Variants in ATAD3C observed in about 807,000 individuals in gnomAD.
ATAD3C encodes the protein ATPase family AAA domain containing 3C.
In ATAD3C, 38 loss-of-function variants were observed where a neutral mutation model predicts 46.3. The observed-to-expected ratio is 0.82, with a 90% CI of 0.63 to 1.08. The LOEUF (loss-of-function observed/expected upper bound fraction) is 1.08. Among genes scored for constraint, ATAD3C ranks in the 50% least tolerant of loss-of-function variants. The probability of loss-of-function intolerance (pLI) is 0.00; values close to 1 mark genes in which losing one functional copy is unlikely to be tolerated. For synonymous variants in ATAD3C, 220 were observed against 236.4 expected, an observed-to-expected ratio of 0.93 and a Z score of 0.63; for missense variants, 563 against 572.7, an observed-to-expected ratio of 0.98 and a Z score of 0.17.
chr1:1,460,177 A>G (rs1639032282), intron 9 of ATAD3C, among the ~76,000 whole-genome samples: 1 of 149,414 alleles, frequency 6.7e-6, no homozygotes, highest in Admixed American at 6.8e-5. Flanking sequence ...GGTTCAAGCG[A>G]TTCTCCTACC....
At chr1:1,458,448 C>CT (rs201787085) in intron 8 of ATAD3C, among the ~76,000 whole-genome samples, 22,476 of 146,778 alleles carry the variant, frequency 0.15, 3,610 homozygotes, top group East Asian at 0.48. Flanking sequence ...CTCATTTTGT[C>CT]TTTTTTTTTT....
intron 1 of ATAD3C, 28 bp downstream of exon 1, chr1:1,450,786 G>A (rs369947488): frequency 1.4e-5 from 23 of 1,611,604 alleles, no homozygotes; most frequent in African/African-American, 1.1e-4. Flanking sequence ...GGGCGGGGAG[G>A]CCGGGGCACA....
chr1:1,466,005 G>C (rs150657932), intron 11 of ATAD3C, among the ~76,000 whole-genome samples: 1 of 152,034 alleles, frequency 6.6e-6, no homozygotes, highest in East Asian at 1.9e-4. Flanking sequence ...TATCATAAAA[G>C]TGTGAGGTGG....
intron 3 of ATAD3C, 84 bp downstream of exon 3, chr1:1,452,518 C>A: frequency 6.2e-7 from 1 of 1,600,018 alleles, no homozygotes; most frequent in Non-Finnish European, 8.6e-7. Context: ...CCTATCCCTG[C>A]TGGCTCTGCA....
At chr1:1,455,770 A>G (rs1638949201) in intron 5 of ATAD3C, 21 bp from the exon 6 acceptor site, 1 of 1,612,750 alleles carries the variant, frequency 6.2e-7, no homozygotes, top group South Asian at 1.1e-5. Context: ...GTGTCCTCCA[A>G]GCCCCTGTCT....
chr1:1,450,680 G>T lies in ATAD3C; in HGVS notation c.-4G>T. 3.7e-6 allele frequency: 6 copies of T among 1,611,832 alleles called. No individual in the cohort carries two copies. Among genetic ancestry groups the T allele is most frequent in the Non-Finnish European group, 4.2e-6 (5 of 1,178,858 alleles). On this transcript the variant is annotated 5_prime_UTR_variant, in exon 1 of 12. In the 5' UTR this introduces an upstream ATG that the reference lacks. Coordinates refer to ENST00000378785, the MANE Select transcript of ATAD3C (RefSeq NM_001039211.3). ...TGCCCTCCGTGTCCCTGCATCTGCA[G>T]GCCATGTCAAAGGACGCCCTGAATC...
At chr1:1,457,007 G>C (rs771415177) in intron 7 of ATAD3C, 122 bp from the exon 8 acceptor site, 1 of 1,375,900 alleles carries the variant, frequency 7.3e-7, no homozygotes, top group Non-Finnish European at 1.0e-6. Context: ...TTAGGGCTCC[G>C]TGGGGCAGAG....
Position 1,468,662 on chromosome 1 carries a change from C to T in ATAD3C, c.*132C>T. ...GGGGCCGCACCGCTGTGTCTATTGGCTGACACGGGGCGGGGTTTGGGGCCC... is the reference window on the plus strand; with the variant it reads ...GGGGCCGCACCGCTGTGTCTATTGGTTGACACGGGGCGGGGTTTGGGGCCC... On this transcript the variant is annotated 3_prime_UTR_variant, in exon 12 of 12. Transcript: ENST00000378785. 2 of 1,543,716 alleles carry T rather than the reference C, an allele frequency of 1.3e-6. No individual in the cohort carries two copies. Among genetic ancestry groups the T allele is most frequent in the Non-Finnish European group, 1.8e-6 (2 of 1,137,100 alleles).
chr1:1,454,043 C>A (rs1638907817), intron 3 of ATAD3C, among the ~76,000 whole-genome samples: 1 of 152,036 alleles, frequency 6.6e-6, no homozygotes, highest in African/African-American at 2.4e-5. Flanking sequence ...AGGGTGTGGC[C>A]CTGTGACATA....
chr1:1,467,076 G>A (rs1388103789), intron 11 of ATAD3C, among the ~76,000 whole-genome samples: 5 of 152,006 alleles, frequency 3.3e-5, no homozygotes, highest in African/African-American at 1.2e-4. Flanking sequence ...ACCTTGCCAC[G>A]TGGTGAACAT....
intron 1 of ATAD3C, among the ~76,000 whole-genome samples, chr1:1,451,642 G>A (rs187424347): frequency 8.9e-4 from 136 of 152,212 alleles, no homozygotes; most frequent in African/African-American, 3.1e-3. Context: ...CACGGTGCCC[G>A]GCCGGTCACC....
chr1:1,454,230 C>T (rs545045728), intron 3 of ATAD3C, 115 bp from the exon 4 acceptor site: 31 of 1,439,066 alleles, frequency 2.2e-5, no homozygotes, highest in African/African-American at 1.6e-4. Context: ...GGCCAGCACA[C>T]GGCCCTGTGC....
Position 1,452,372 on chromosome 1 carries a change from G to A in ATAD3C, c.160G>A (p.Gly54Ser). 6.2e-7 allele frequency: 1 copy of A among 1,613,806 alleles called. No individual in the cohort carries two copies. Among genetic ancestry groups the A allele is most frequent in the Non-Finnish European group, 8.5e-7 (1 of 1,179,764 alleles). The change falls in exon 3 of 12, where the codon GGC becomes AGC. Residue 54 changes from glycine to serine, a missense_variant. Physicochemically the swap from Gly to Ser is moderately conservative, Grantham distance 56. Around this residue, in one of 3 missense-constraint regions of ATAD3C, gnomAD observed 263 missense variants for 243.1 expected, o/e 1.08. Transcript: ENST00000378785. ...QTFLESIRAA[G>S]TLFGEGFRAF... ...CCACTGCTTTCCCCACAGGGCGGCT[G>A]GCACCTTGTTTGGGGAAGGATTCCG...
In ATAD3C at chr1:1,450,606, C is replaced by T. The variant is rs1020176985; in HGVS notation, c.-78C>T. ...CGTGGCCGTGGATTCCAGAAAGCCCCTTGGCTGGTGTGCGTGCCTGCCCAG... is the reference window on the plus strand; with the variant it reads ...CGTGGCCGTGGATTCCAGAAAGCCCTTTGGCTGGTGTGCGTGCCTGCCCAG... On this transcript the variant is annotated 5_prime_UTR_variant, in exon 1 of 12. Transcript: ENST00000378785. The T allele has an allele frequency of 2.6e-6, 4 of 1,537,412 alleles. No individual in the cohort carries two copies. Among genetic ancestry groups the T allele is most frequent in the Admixed American group, 3.9e-5 (2 of 51,248 alleles).
intron 11 of ATAD3C, among the ~76,000 whole-genome samples, chr1:1,463,042 A>G (rs758822287): frequency 7.9e-5 from 12 of 152,084 alleles, no homozygotes; most frequent in Admixed American, 1.3e-4. Context: ...GTGAATGGTC[A>G]TCAGGACAGG....
chr1:1,462,251 T>C lies in ATAD3C; in HGVS notation c.981-349T>C, dbSNP rs1483994417. Among the ~76,000 whole-genome samples the C allele has an allele frequency of 1.3e-5, 2 of 152,016 alleles. No homozygotes were observed. Among genetic ancestry groups the C allele is most frequent in the Non-Finnish European group, 2.9e-5 (2 of 67,970 alleles). On this transcript the variant is annotated intron_variant, in intron 10 of 11. Transcript: ENST00000378785. This position sits in a 1 kb window ranked among gnomAD's most constrained non-coding sequence, Gnocchi z 4.5. ...CCCGACACCCATGGCTGCTCGTAGC[T>C]CTGGCACCATGACCTGGCTTCTGTG... is the stretch of plus-strand genomic sequence containing the variant.
intron 3 of ATAD3C, among the ~76,000 whole-genome samples, chr1:1,454,098 G>C (rs2801378): frequency 4.6e-5 from 7 of 152,078 alleles, no homozygotes; most frequent in Non-Finnish European, 5.9e-5. Context: ...CCAGAGCTTT[G>C]TAGGATTTAT....
intron 10 of ATAD3C, among the ~76,000 whole-genome samples, chr1:1,461,801 T>A (rs953334595): frequency 8.6e-5 from 13 of 152,006 alleles, no homozygotes; most frequent in African/African-American, 3.1e-4. Flanking sequence ...ACTGCTGGCT[T>A]CTGGCCTGGC....
intron 11 of ATAD3C, among the ~76,000 whole-genome samples, chr1:1,464,091 C>T (rs1339976378): frequency 1.3e-5 from 2 of 151,164 alleles, no homozygotes; most frequent in Admixed American, 6.6e-5. Context: ...CCTGTATTCT[C>T]AGCTACTCGG....
Sources: allele counts gnomAD v4.1 joint callset (sites outside exome capture counted in the v4.1 genomes callset), GRCh38; gene constraint gnomAD v4.1.1; regional missense constraint gnomAD v4.1.1; non-coding constraint Gnocchi (gnomAD v3.1); transcripts MANE v1.5; gene names NCBI Gene and HGNC (gene_info 2026-07-23, HGNC 2026-07-21).